The following RERE variants were observed in gnomAD, a reference collection of about 807,000 sequenced individuals.
The protein encoded by RERE is arginine-glutamic acid dipeptide repeats protein.
Under a neutral mutation model 146.1 loss-of-function variants are expected in RERE, and 40 were observed. That is an observed-to-expected ratio of 0.27 (90% confidence interval 0.21 to 0.36). The LOEUF (loss-of-function observed/expected upper bound fraction) is 0.36. Among genes scored for constraint, RERE ranks in the 10% least tolerant of loss-of-function variants. RERE has a pLI of 1.00. For missense variants in RERE, 1,933 were observed against 2,138.7 expected (o/e 0.90, Z 1.90); for synonymous variants, 1,003 against 866.0 (o/e 1.16, Z -2.78).
chr1:8,400,222 A>ATATGTATGTGTGTGTGTG, intron 12 of RERE, among the ~76,000 whole-genome samples: 1 of 140,156 alleles, frequency 7.1e-6, no homozygotes, highest in South Asian at 2.4e-4. Context: ...CCTGTGTCAT[A>ATATGTATGTGTGTGTGTG]TGTGTGTGTG....
chr1:8,466,102 T>C lies in RERE; in HGVS notation c.1105-79A>G, dbSNP rs1006474027. The C allele has an allele frequency of 1.0e-5, 12 of 1,159,728 alleles. No homozygotes were observed. The African/African-American group carries it at 1.5e-4, about 15-fold the overall frequency. 71.8% of individuals were successfully genotyped at this position (1,159,728 alleles called of 1,614,324 possible). On this transcript the variant is annotated intron_variant, in intron 10 of 22. Coordinates refer to ENST00000400908, the MANE Select transcript of RERE (RefSeq NM_001042681.2). ...CAATCGATCCAAGGCAAGCTCCTCA[T>C]TGACTATCTCCCACAGAAGAGTCAG...
At chr1:8,446,373 C>A (rs1221428858) in intron 11 of RERE, among the ~76,000 whole-genome samples, 2 of 151,596 alleles carry the variant, frequency 1.3e-5, no homozygotes, top group Non-Finnish European at 2.9e-5. Flanking sequence ...ATGGGCTTCC[C>A]TTTGTGGGTA....
chr1:8,432,399 G>A (rs1480613691), intron 11 of RERE, among the ~76,000 whole-genome samples: 2 of 151,680 alleles, frequency 1.3e-5, no homozygotes, highest in African/African-American at 2.4e-5. Flanking sequence ...TGTGCAAAGA[G>A]CACAGCACGA....
intron 6 of RERE, among the ~76,000 whole-genome samples, chr1:8,544,852 G>T (rs372387543): frequency 6.6e-6 from 1 of 152,162 alleles, no homozygotes; most frequent in Admixed American, 6.5e-5. Context: ...CAAACACTGA[G>T]TATTGAGCAG....
intron 12 of RERE, among the ~76,000 whole-genome samples, chr1:8,369,535 A>T (rs75427749): frequency 4.3e-5 from 6 of 138,432 alleles, no homozygotes; most frequent in Non-Finnish European, 3.1e-5. Context: ...AAAAAAAAAA[A>T]AAGAAGAAAA....
intron 12 of RERE, among the ~76,000 whole-genome samples, chr1:8,401,244 C>A (rs1453090150): frequency 6.8e-6 from 1 of 148,106 alleles, no homozygotes; most frequent in Non-Finnish European, 1.5e-5. Flanking sequence ...ACGTAGCAAA[C>A]TGCATTTTCA....
At chr1:8,712,509 C>T (rs566331486) in intron 1 of RERE, among the ~76,000 whole-genome samples, 21 of 152,196 alleles carry the variant, frequency 1.4e-4, no homozygotes, top group African/African-American at 5.1e-4. Context: ...TAATGTAAAG[C>T]ATGTTCATTC....
At chr1:8,717,881 G>A (rs1449437329) in intron 1 of RERE, among the ~76,000 whole-genome samples, 1 of 152,196 alleles carries the variant, frequency 6.6e-6, no homozygotes, top group Non-Finnish European at 1.5e-5. Flanking sequence ...GCTGACATGT[G>A]CACTCCAAGT....
intron 10 of RERE, among the ~76,000 whole-genome samples, chr1:8,484,104 G>C (rs1008180225): frequency 6.6e-6 from 1 of 152,170 alleles, no homozygotes; most frequent in Admixed American, 6.5e-5. Flanking sequence ...ATATATTCTA[G>C]AAAACCTTAG....
rs1475268962 is a variant in RERE at position 8,354,446 on chromosome 1, T to C, written c.*641A>G. 3 of 152,370 alleles carry C rather than the reference T, an allele frequency of 2.0e-5. No homozygotes were observed. Among genetic ancestry groups the C allele is most frequent in the African/African-American group, 7.2e-5 (3 of 41,442 alleles). The allele number at this position is 152,370 out of a possible 1,614,324, so 9.4% of individuals were successfully genotyped here. A position where few individuals can be genotyped will look rare whatever the true frequency, so the allele number is the denominator to read the frequency against. ...TTTTTATTAAAAAATCAACTCTGTA[T>C]TCTGTCAATAGTTGGTAGGAATTCA... On this transcript the variant is annotated 3_prime_UTR_variant, in exon 23 of 23. Coordinates refer to ENST00000400908, the MANE Select transcript of RERE (RefSeq NM_001042681.2).
chr1:8,552,836 G>A (rs548310307), intron 6 of RERE, among the ~76,000 whole-genome samples: 2 of 151,958 alleles, frequency 1.3e-5, no homozygotes, highest in East Asian at 3.9e-4. Flanking sequence ...CATTAGGGAA[G>A]TGCGTCCACA....
intron 12 of RERE, among the ~76,000 whole-genome samples, chr1:8,384,167 G>A (rs1292729493): frequency 1.3e-5 from 2 of 152,188 alleles, no homozygotes; most frequent in African/African-American, 4.8e-5. Flanking sequence ...TCAGGTCGGG[G>A]TCTTACTGTT....
chr1:8,668,922 C>CTGTGTGTGTG (rs1491114623), intron 1 of RERE, among the ~76,000 whole-genome samples: 1 of 76,964 alleles, frequency 1.3e-5, no homozygotes, highest in African/African-American at 5.7e-5. Context: ...ATGCACTAAA[C>CTGTGTGTGTG]TCTGTGTGTG....
At chr1:8,779,827 A>G (rs1641133791) in intron 1 of RERE, among the ~76,000 whole-genome samples, 1 of 152,220 alleles carries the variant, frequency 6.6e-6, no homozygotes, top group African/African-American at 2.4e-5. Context: ...CTTATGATAC[A>G]TTATGCATTC....
chr1:8,706,312 AG>A (rs1255544061), intron 1 of RERE, among the ~76,000 whole-genome samples: 2 of 152,212 alleles, frequency 1.3e-5, no homozygotes, highest in Non-Finnish European at 2.9e-5. Flanking sequence ...TAAAAAGTCT[AG>A]TAAAAAGGAG....
At chr1:8,552,359 G>A (rs760058687) in intron 6 of RERE, among the ~76,000 whole-genome samples, 22 of 152,116 alleles carry the variant, frequency 1.4e-4, no homozygotes, top group Non-Finnish European at 2.2e-4. Flanking sequence ...CCACACAACC[G>A]AGCCCTTTGA....
At chr1:8,471,276 G>A (rs1299317650) in intron 10 of RERE, among the ~76,000 whole-genome samples, 1 of 151,998 alleles carries the variant, frequency 6.6e-6, no homozygotes, top group Admixed American at 6.6e-5. Context: ...ACTATGCCAG[G>A]CACTCTATTA....
At chr1:8,408,016 G>GTTACC (rs1201079423) in intron 12 of RERE, among the ~76,000 whole-genome samples, 2 of 152,158 alleles carry the variant, frequency 1.3e-5, no homozygotes, top group Non-Finnish European at 2.9e-5. Context: ...TACCTAGCTT[G>GTTACC]TTACCTTCTA....
intron 12 of RERE, among the ~76,000 whole-genome samples, chr1:8,379,766 G>A (rs1435964325): frequency 1.3e-5 from 2 of 152,218 alleles, no homozygotes; most frequent in Non-Finnish European, 2.9e-5. Context: ...AAGGGAATTT[G>A]CAAAGATGAT....
Sources: allele counts gnomAD v4.1 joint callset (sites outside exome capture counted in the v4.1 genomes callset), GRCh38; gene constraint gnomAD v4.1.1; transcripts MANE v1.5; gene names NCBI Gene and HGNC (gene_info 2026-07-23, HGNC 2026-07-21).